Variants in ZNF385D observed in about 807,000 individuals in gnomAD.
ZNF385D encodes zinc finger protein 385D, also known as zinc finger protein 659.
Under a neutral mutation model 35.8 loss-of-function variants are expected in ZNF385D, and 15 were observed. The observed-to-expected ratio is 0.42, with a 90% CI of 0.28 to 0.64. The LOEUF is 0.64. Among genes scored for constraint, ZNF385D ranks in the 30% least tolerant of loss-of-function variants. The pLI is 0.23. For missense variants in ZNF385D, 474 were observed against 494.6 expected (o/e 0.96, Z 0.39); for synonymous variants, 212 against 186.8 (o/e 1.13, Z -1.10).
chr3:21,616,506 A>G (rs1308530425), intron 2 of ZNF385D, among the ~76,000 whole-genome samples: 1 of 152,178 alleles, frequency 6.6e-6, no homozygotes. Context: ...TATGCTAAGT[A>G]ACTAGTCACA....
chr3:21,756,141 G>A (rs1291335610), upstream of ZNF385D, among the ~76,000 whole-genome samples: 4 of 152,170 alleles, frequency 2.6e-5, no homozygotes, highest in Non-Finnish European at 5.9e-5. Flanking sequence ...AAGGACAGAT[G>A]TAAGGTGACG....
Position 21,814,182 on chromosome 3 carries a change from A to G in ZNF385D, c.326-149154T>C, listed in dbSNP as rs377459847. Among the ~76,000 whole-genome samples, 9 of 152,346 alleles carry G rather than the reference A, an allele frequency of 5.9e-5. No individual in the cohort carries two copies. In the East Asian group the frequency reaches 7.7e-4, roughly 13 times the overall value. ...TTTGTCACCAACAGGCCTGTCTTGC[A>G]AGAGCTCCTGAAGGAAGCACTAAAC... On this transcript the variant is annotated intron_variant, in intron 3 of 5. Transcript: ENST00000494108.
chr3:22,083,429 G>A (rs949159631), intron 3 of ZNF385D, among the ~76,000 whole-genome samples: 1 of 152,182 alleles, frequency 6.6e-6, no homozygotes, highest in African/African-American at 2.4e-5. Flanking sequence ...AGAACTACGT[G>A]AAGCATGCAC....
intron 2 of ZNF385D, among the ~76,000 whole-genome samples, chr3:22,180,455 T>C (rs561371042): frequency 1.3e-5 from 2 of 152,326 alleles, no homozygotes; most frequent in East Asian, 1.9e-4. Context: ...ATCATCCTGA[T>C]ACCAAAGCCT....
chr3:22,220,225 G>A (rs1336788185), intron 2 of ZNF385D, among the ~76,000 whole-genome samples: 5 of 151,874 alleles, frequency 3.3e-5, no homozygotes, highest in African/African-American at 9.6e-5. Flanking sequence ...CACCACACCA[G>A]GCTAATGATT....
At chr3:22,133,042 T>G (rs1211627768) in intron 3 of ZNF385D, among the ~76,000 whole-genome samples, 2 of 152,120 alleles carry the variant, frequency 1.3e-5, no homozygotes, top group African/African-American at 4.8e-5. Context: ...AGGACTAAAA[T>G]TATAGGTATT....
chr3:21,506,336 T>C (rs1706777904), intron 4 of ZNF385D, among the ~76,000 whole-genome samples: 2 of 152,174 alleles, frequency 1.3e-5, no homozygotes, highest in Admixed American at 1.3e-4. Flanking sequence ...ACAGCTGATA[T>C]GTAGTATGAG....
At chr3:21,881,421 T>C (rs924336487) in intron 3 of ZNF385D, among the ~76,000 whole-genome samples, 12 of 151,954 alleles carry the variant, frequency 7.9e-5, no homozygotes, top group Admixed American at 3.3e-4. Flanking sequence ...AAAGCCTGGA[T>C]GACAGCACAT....
At chr3:21,828,223 T>C (rs1694774917) in intron 3 of ZNF385D, among the ~76,000 whole-genome samples, 1 of 152,356 alleles carries the variant, frequency 6.6e-6, no homozygotes, top group Non-Finnish European at 1.5e-5. Context: ...TAAACTAATA[T>C]GTTTATCCGT....
chr3:21,653,565 T>A (rs1359216380), intron 2 of ZNF385D, among the ~76,000 whole-genome samples: 1 of 152,050 alleles, frequency 6.6e-6, no homozygotes, highest in Non-Finnish European at 1.5e-5. Flanking sequence ...AATTATAAAA[T>A]TTTCACTATG....
At chr3:21,885,389 T>C (rs1698488641) in intron 3 of ZNF385D, among the ~76,000 whole-genome samples, 1 of 151,990 alleles carries the variant, frequency 6.6e-6, no homozygotes, top group Non-Finnish European at 1.5e-5. Flanking sequence ...ACTTATACCC[T>C]AATATTGTGA....
chr3:22,028,875 T>C (rs979880755), intron 3 of ZNF385D, among the ~76,000 whole-genome samples: 2 of 152,126 alleles, frequency 1.3e-5, no homozygotes, highest in African/African-American at 4.8e-5. Flanking sequence ...GACTATACTT[T>C]GCAGGGCTGG....
At chr3:21,667,092 GAAGTA>G (rs748683029) in intron 1 of ZNF385D, among the ~76,000 whole-genome samples, 1 of 152,120 alleles carries the variant, frequency 6.6e-6, no homozygotes, top group African/African-American at 2.4e-5. Context: ...CAAAAACTCA[GAAGTA>G]AAGTAAGATT....
intron 3 of ZNF385D, among the ~76,000 whole-genome samples, chr3:21,562,972 TTA>T (rs1278013068): frequency 2.0e-5 from 3 of 152,120 alleles, no homozygotes; most frequent in African/African-American, 7.3e-5. Context: ...ACATAAAATA[TTA>T]TATGTTTGGT....
intron 2 of ZNF385D, among the ~76,000 whole-genome samples, chr3:22,192,994 A>C (rs1317507025): frequency 6.6e-6 from 1 of 152,172 alleles, no homozygotes; most frequent in East Asian, 1.9e-4. Context: ...ACCAATGGCC[A>C]AGTTCTTTCC....
intron 1 of ZNF385D, among the ~76,000 whole-genome samples, chr3:21,672,240 C>T (rs1189043900): frequency 2.0e-5 from 3 of 152,022 alleles, no homozygotes; most frequent in Non-Finnish European, 2.9e-5. Flanking sequence ...ATTTTTCTTT[C>T]GTTGTTTCTT....
chr3:21,562,902 A>T (rs2063005866), intron 3 of ZNF385D, among the ~76,000 whole-genome samples: 1 of 152,126 alleles, frequency 6.6e-6, no homozygotes, highest in Admixed American at 6.5e-5. Flanking sequence ...AAATTAAGCA[A>T]TTCTGTGGTA....
chr3:21,968,888 C>G (rs1703070997), intron 3 of ZNF385D, among the ~76,000 whole-genome samples: 1 of 152,150 alleles, frequency 6.6e-6, no homozygotes, highest in Non-Finnish European at 1.5e-5. Flanking sequence ...ACCAGCTGGG[C>G]CACAGTGGTG....
intron 2 of ZNF385D, among the ~76,000 whole-genome samples, chr3:22,169,468 T>C (rs1706543941): frequency 6.6e-6 from 1 of 152,220 alleles, no homozygotes; most frequent in African/African-American, 2.4e-5. Context: ...TATGTAATAA[T>C]GAATTAGATT....
Sources: gnomAD v4.1 joint callset for allele counts (sites outside exome capture counted in the v4.1 genomes callset) on GRCh38, gnomAD v4.1.1 for gene constraint, MANE v1.5 for transcripts, NCBI Gene and HGNC (gene_info 2026-07-23, HGNC 2026-07-21) for gene names.